Variants in BBOF1 observed in about 807,000 individuals in gnomAD.
BBOF1 encodes basal body-orientation factor 1.
In BBOF1, 62 loss-of-function variants were observed where a neutral mutation model predicts 68.0. That is an observed-to-expected ratio of 0.91 (90% CI 0.74 to 1.13). The LOEUF (loss-of-function observed/expected upper bound fraction) is 1.13. Ranked by LOEUF, BBOF1 falls within the 50% of genes most tolerant of loss-of-function variation. The pLI, the probability that BBOF1 is intolerant of heterozygous loss-of-function variation, is 0.00. For synonymous variants in BBOF1, 208 were observed against 198.8 expected (o/e 1.05, Z -0.39); for missense variants, 534 against 600.1 (o/e 0.89, Z 1.15).
At chr14:74,061,291 G>A (rs555617475) in intron 11 of BBOF1, among the ~76,000 whole-genome samples, 19 of 145,778 alleles carry the variant, frequency 1.3e-4, no homozygotes, top group African/African-American at 4.2e-4. Context: ...TTATATAGTA[G>A]GCCATTTATT....
At chr14:74,054,369 TAC>T (rs1351564337) in intron 8 of BBOF1, among the ~76,000 whole-genome samples, 1 of 150,680 alleles carries the variant, frequency 6.6e-6, no homozygotes, top group Non-Finnish European at 1.5e-5. Flanking sequence ...AATGTTACAT[TAC>T]AGTTTTTTTT....
intron 9 of BBOF1, chr14:74,072,576 A>C (rs1263697353): frequency 6.2e-7 from 1 of 1,614,136 alleles, no homozygotes; most frequent in Non-Finnish European, 8.5e-7. Context: ...TTTTGGATTC[A>C]ACGAATTTCC....
intron 3 of BBOF1, among the ~76,000 whole-genome samples, chr14:74,032,504 C>CT (rs911765541): frequency 1.1e-5 from 1 of 94,858 alleles, no homozygotes; most frequent in South Asian, 3.6e-4. Context: ...TTTTTTTTTT[C>CT]TTTTTTTGAG....
chr14:74,020,442 G>A (rs1315958390), intron 1 of BBOF1, among the ~76,000 whole-genome samples: 1 of 151,780 alleles, frequency 6.6e-6, no homozygotes, highest in African/African-American at 2.4e-5. Flanking sequence ...TGAGAAACCT[G>A]GCTTTGTTTC....
intron 11 of BBOF1, among the ~76,000 whole-genome samples, chr14:74,062,054 A>G (rs956371211): frequency 0.016 from 1,615 of 103,218 alleles, 68 homozygotes; most frequent in African/African-American, 0.061. Flanking sequence ...CTACTGGGAA[A>G]AAAAAAAAAA....
In BBOF1 at chr14:74,045,087, C is replaced by G. The variant is rs28648521; in HGVS notation, c.577-973C>G. Among the ~76,000 whole-genome samples the G allele has an allele frequency of 8.3e-3, 1,256 of 152,214 alleles. 17 individuals are homozygous for G. Among genetic ancestry groups the G allele is most frequent in the African/African-American group, 0.029 (1,193 of 41,530 alleles). On this transcript the variant is annotated intron_variant, in intron 5 of 11. Transcript: ENST00000394009. Reference sequence around the variant, plus strand: ...CTGCTTTTGGGCATAATAGTAGTATCTATATAATAGGGTTGCTGTGACAAA... The same window carrying G: ...CTGCTTTTGGGCATAATAGTAGTATGTATATAATAGGGTTGCTGTGACAAA...
At chr14:74,030,059 A>G (rs2059530362) in intron 3 of BBOF1, among the ~76,000 whole-genome samples, 1 of 152,142 alleles carries the variant, frequency 6.6e-6, no homozygotes, top group South Asian at 2.1e-4. Context: ...TTTGGGGGGC[A>G]TTTTTCTCCC....
chr14:74,044,289 G>T (rs921439557), intron 5 of BBOF1, among the ~76,000 whole-genome samples: 2 of 151,070 alleles, frequency 1.3e-5, no homozygotes, highest in South Asian at 4.2e-4. Context: ...ATAATAAAAC[G>T]ACCTCCTCTA....
intron 9 of BBOF1, among the ~76,000 whole-genome samples, chr14:74,056,447 G>A (rs112076532): frequency 1.3e-5 from 2 of 151,540 alleles, no homozygotes; most frequent in African/African-American, 2.4e-5. Flanking sequence ...TGACCTGCCC[G>A]CCTCAGCCTC....
chr14:74,069,107 T>TC (rs953988619), downstream of BBOF1: 514 of 1,067,882 alleles, frequency 4.8e-4, 2 homozygotes, highest in East Asian at 0.011. Context: ...TTTTCTTTTT[T>TC]TTTTTTTTTT....
chr14:74,050,325 C>T lies in BBOF1; in HGVS notation c.1286+130C>T. 2.2e-5 allele frequency: 22 copies of T among 1,008,112 alleles called. No homozygotes were observed. In the South Asian group the frequency reaches 4.0e-4, roughly 18 times the overall value. The allele number at this position is 1,008,112 out of a possible 1,614,324, so 62.4% of individuals were successfully genotyped here. On this transcript the variant is annotated intron_variant, in intron 8 of 11. Coordinates refer to ENST00000394009, the MANE Select transcript of BBOF1 (RefSeq NM_025057.3). ...GATTTCTCAGTAGGTTACTTGAGGA[C>T]AGGAACTGACTTATTCATCTTTGTA...
chr14:74,081,913 A>G (rs1473001295), intron 12 of BBOF1, among the ~76,000 whole-genome samples: 1 of 152,160 alleles, frequency 6.6e-6, no homozygotes, highest in Non-Finnish European at 1.5e-5. Context: ...TCTCTTCAAG[A>G]GTAATTTTCT....
rs181276488 is a variant in BBOF1, at chr14:74,048,022, A to G, written c.740A>G (p.Gln247Arg). 6.2e-7 allele frequency: 1 copy of G among 1,613,000 alleles called. No homozygotes were observed. The highest frequency in any genetic ancestry group is 1.3e-5 in the African/African-American group (1 of 75,036). Residue 247 changes from glutamine to arginine, a missense_variant, in exon 7 of 12, where the codon CAA (glutamine) becomes CGA (arginine). Physicochemically the swap from Gln to Arg is conservative, Grantham distance 43. Coordinates refer to ENST00000394009, the MANE Select transcript of BBOF1 (RefSeq NM_025057.3). ...AYHLKETDALQKNSQKLQESH... is the reference protein window; with the variant it reads ...AYHLKETDALRKNSQKLQESH... ...CACCTGAAGGAAACTGACGCTCTAC[A>G]AAAAAACTCCCAGAAGTTGCAAGAG...
At chr14:74,068,901 C>G (rs199875058), downstream of BBOF1, 3 of 1,613,996 alleles carry the variant, frequency 1.9e-6, no homozygotes, top group Non-Finnish European at 2.5e-6. Context: ...GATCCTCTCT[C>G]GAAGATATAC....
At chr14:74,077,657 C>T (rs559390010) in intron 9 of BBOF1, among the ~76,000 whole-genome samples, 1 of 152,268 alleles carries the variant, frequency 6.6e-6, no homozygotes, top group South Asian at 2.1e-4. Context: ...CAGCACAAAG[C>T]CATTCATGAG....
At chr14:74,075,685 ATAAG>A (rs1300127917) in intron 9 of BBOF1, among the ~76,000 whole-genome samples, 2 of 152,134 alleles carry the variant, frequency 1.3e-5, no homozygotes, top group East Asian at 3.8e-4. Context: ...AAATATAAAT[ATAAG>A]TAATAGAGTA....
At chr14:74,071,804 G>A in intron 9 of BBOF1, 1 of 1,510,178 alleles carries the variant, frequency 6.6e-7, no homozygotes, top group Non-Finnish European at 9.2e-7. Flanking sequence ...CAAAATCTAT[G>A]TAAAGGAAGA....
At chr14:74,054,548 T>G (rs182859566) in intron 8 of BBOF1, among the ~76,000 whole-genome samples, 50 of 150,814 alleles carry the variant, frequency 3.3e-4, no homozygotes, top group Non-Finnish European at 6.5e-4. Flanking sequence ...CCAGCTAATT[T>G]TTGTATTTTT....
chr14:74,079,991 T>C (rs1045713843), intron 10 of BBOF1, among the ~76,000 whole-genome samples: 3 of 152,142 alleles, frequency 2.0e-5, no homozygotes, highest in African/African-American at 7.2e-5. Context: ...TGAGCTGCGA[T>C]TGTGCCACTG....
Sources: gnomAD v4.1 joint callset for allele counts (sites outside exome capture counted in the v4.1 genomes callset) on GRCh38, gnomAD v4.1.1 for gene constraint, MANE v1.5 for transcripts, NCBI Gene and HGNC (gene_info 2026-07-23, HGNC 2026-07-21) for gene names.